Variants in CFH observed in about 807,000 individuals in gnomAD.
CFH encodes complement factor H, also known as H factor 1 (complement).
Under a neutral mutation model 147.3 loss-of-function variants are expected in CFH, and 53 were observed. The ratio of observed to expected loss-of-function variants is 0.36; its 90% CI spans 0.29 to 0.45. The LOEUF is 0.45. Among genes scored for constraint, CFH ranks in the 20% least tolerant of loss-of-function variants. CFH has a pLI of 1.00. For synonymous variants in CFH, 536 were observed against 489.4 expected, an observed-to-expected ratio of 1.10 and a Z score of -1.26; for missense variants, 1,380 against 1,498.0, an observed-to-expected ratio of 0.92 and a Z score of 1.30.
At chr1:196,697,579 A>G (rs578192149) in intron 9 of CFH, among the ~76,000 whole-genome samples, 1 of 152,334 alleles carries the variant, frequency 6.6e-6, no homozygotes, top group South Asian at 2.1e-4. Flanking sequence ...TAGTTCAACC[A>G]TTGTGGAAGT....
intron 9 of CFH, among the ~76,000 whole-genome samples, chr1:196,695,476 C>G (rs1668222551): frequency 6.6e-6 from 1 of 152,068 alleles, no homozygotes. Flanking sequence ...TTAGGATTGT[C>G]TTGGCTAGAT....
intron 17 of CFH, among the ~76,000 whole-genome samples, chr1:196,739,852 T>C (rs1418967170): frequency 1.3e-5 from 2 of 152,200 alleles, no homozygotes; most frequent in Non-Finnish European, 2.9e-5. Flanking sequence ...GTTATCATGC[T>C]GCTATAAAGA....
intron 19 of CFH, among the ~76,000 whole-genome samples, chr1:196,742,947 G>A (rs1464912471): frequency 1.3e-5 from 2 of 151,802 alleles, no homozygotes; most frequent in African/African-American, 4.8e-5. Flanking sequence ...TTTTAACTTG[G>A]GTAATTTTCA....
chr1:196,711,021 TA>T (rs1668712144), intron 9 of CFH, among the ~76,000 whole-genome samples: 1 of 152,092 alleles, frequency 6.6e-6, no homozygotes, highest in Non-Finnish European at 1.5e-5. Context: ...TTAATATATG[TA>T]AAAACCATAA....
chr1:196,677,252 T>A, intron 4 of CFH: 2 of 471,560 alleles, frequency 4.2e-6, no homozygotes, highest in Non-Finnish European at 7.6e-6. Flanking sequence ...TTGAAAGTAG[T>A]AATTTTCATT....
chr1:196,714,717 A>AGAGG (rs1668825879), intron 10 of CFH, among the ~76,000 whole-genome samples: 1 of 124,430 alleles, frequency 8.0e-6, no homozygotes, highest in Non-Finnish European at 1.7e-5. Flanking sequence ...AGAGAGAGAG[A>AGAGG]GATGGAGTCT....
intron 16 of CFH, among the ~76,000 whole-genome samples, 161 bp from the exon 17 acceptor site, chr1:196,737,313 TG>T (rs1669430390): frequency 6.6e-6 from 1 of 152,186 alleles, no homozygotes; most frequent in African/African-American, 2.4e-5. Flanking sequence ...ATAGATATGG[TG>T]GAGGAATATA....
chr1:196,661,154 CAT>C (rs1363500200), intron 1 of CFH, among the ~76,000 whole-genome samples: 1 of 152,038 alleles, frequency 6.6e-6, no homozygotes, highest in African/African-American at 2.4e-5. Flanking sequence ...AAATTATAAA[CAT>C]CGAAATAGTG....
At position 196,725,197 on chromosome 1, in the gene CFH, G is replaced by C. The variant is rs762648063; in HGVS notation, c.1773G>C (p.Glu591Asp). ...AGAAAGACCAGTATAAAGTTGGAGAGGTGTTGAAATTCTCCTGCAAACCAG... is the reference window on the plus strand; with the variant it reads ...AGAAAGACCAGTATAAAGTTGGAGACGTGTTGAAATTCTCCTGCAAACCAG... Reference protein sequence around the residue: ...DRKKDQYKVGEVLKFSCKPGF... With the variant: ...DRKKDQYKVGDVLKFSCKPGF... Residue 591 changes from glutamate (E) to aspartate (D), a missense_variant, in exon 12 of 22, where the codon GAG (glutamate) becomes GAC (aspartate). Glu to Asp is a conservative substitution (Grantham distance 45). Transcript: ENST00000367429. The C allele has an allele frequency of 9.9e-6, 16 of 1,613,660 alleles. No homozygotes were observed. The Admixed American group carries it at 2.3e-4, about 24-fold the overall frequency.
At chr1:196,662,130 C>A (rs1004362342) in intron 1 of CFH, among the ~76,000 whole-genome samples, 1 of 152,158 alleles carries the variant, frequency 6.6e-6, no homozygotes, top group African/African-American at 2.4e-5. Flanking sequence ...GAATGATCAG[C>A]TTGTTTAAAG....
At position 196,673,892 on chromosome 1, in the gene CFH, G is replaced by A. The variant is rs1172400879; in HGVS notation, c.280G>A (p.Gly94Ser). The A allele has an allele frequency of 1.2e-6, 2 of 1,612,584 alleles. No individual in the cohort carries two copies. Among genetic ancestry groups the A allele is most frequent in the African/African-American group, 1.3e-5 (1 of 74,654 alleles). Residue 94 changes from glycine to serine, a missense_variant, in exon 3 of 22, where the codon GGT becomes AGT. By Grantham distance (56) the Gly-to-Ser change is moderately conservative. Transcript: ENST00000367429. ...PCGHPGDTPF[G>S]TFTLTGGNVF... Reference sequence around the variant, plus strand: ...TGGACATCCTGGAGATACTCCTTTTGGTACTTTTACCCTTACAGGAGGAAA... The same window carrying A: ...TGGACATCCTGGAGATACTCCTTTTAGTACTTTTACCCTTACAGGAGGAAA...
intron 1 of CFH, among the ~76,000 whole-genome samples, chr1:196,657,433 G>A (rs1666741150): frequency 6.6e-6 from 1 of 152,028 alleles, no homozygotes; most frequent in Non-Finnish European, 1.5e-5. Flanking sequence ...ACTAAACCTG[G>A]GTCAAAAATA....
intron 11 of CFH, among the ~76,000 whole-genome samples, chr1:196,719,357 CA>C (rs796254844): frequency 2.2e-4 from 34 of 151,204 alleles, no homozygotes; most frequent in African/African-American, 7.0e-4. Context: ...AACACACATA[CA>C]AAAAAAAGAA....
At chr1:196,679,831 A>G (rs765715045) in intron 6 of CFH, 38 bp downstream of exon 6, 81 of 1,545,136 alleles carry the variant, frequency 5.2e-5, no homozygotes, top group Non-Finnish European at 6.6e-5. Flanking sequence ...TTATAAATTT[A>G]TCACATATTT....
At chr1:196,699,692 T>C (rs1321679131) in intron 9 of CFH, among the ~76,000 whole-genome samples, 5 of 152,220 alleles carry the variant, frequency 3.3e-5, no homozygotes, top group Admixed American at 2.6e-4. Flanking sequence ...TGTAGAGGGT[T>C]ATTATTTTGC....
At chr1:196,703,277 A>G (rs900652972) in intron 9 of CFH, among the ~76,000 whole-genome samples, 1 of 152,202 alleles carries the variant, frequency 6.6e-6, no homozygotes, top group African/African-American at 2.4e-5. Flanking sequence ...CGGACATCCC[A>G]TTGCAGGTCC....
At chr1:196,729,454 G>A (rs1669229703) in intron 15 of CFH, among the ~76,000 whole-genome samples, 1 of 151,940 alleles carries the variant, frequency 6.6e-6, no homozygotes, top group Non-Finnish European at 1.5e-5. Flanking sequence ...TTTGATCATA[G>A]TGAATGATCT....
chr1:196,733,917 G>A (rs1035490301), intron 15 of CFH, among the ~76,000 whole-genome samples: 3 of 151,990 alleles, frequency 2.0e-5, no homozygotes, highest in African/African-American at 7.2e-5. Flanking sequence ...GGAGAAACAG[G>A]GGACTGTTTT....
At chr1:196,746,479 C>A (rs518957) in intron 21 of CFH, among the ~76,000 whole-genome samples, 6,187 of 152,194 alleles carry the variant, frequency 0.041, 395 homozygotes, top group African/African-American at 0.14. Context: ...AGTAATTTTT[C>A]TCTTTATATT....
Sources: gnomAD v4.1 joint callset for allele counts (sites outside exome capture counted in the v4.1 genomes callset) on GRCh38, gnomAD v4.1.1 for gene constraint, MANE v1.5 for transcripts, NCBI Gene and HGNC (gene_info 2026-07-23, HGNC 2026-07-21) for gene names.